The following LANCL3 variants were observed in gnomAD, a reference collection of about 807,000 sequenced individuals.
LANCL3 encodes the protein lanC-like protein 3.
Under a neutral mutation model 26.5 loss-of-function variants are expected in LANCL3, and 19 were observed. That is an observed-to-expected ratio of 0.72 (90% CI 0.50 to 1.05). LANCL3 has a LOEUF of 1.05. Ranked by LOEUF, LANCL3 falls within the 50% of genes least tolerant of loss-of-function variation. The pLI is 0.00. For missense variants in LANCL3, 318 were observed against 362.7 expected, an observed-to-expected ratio of 0.88 and a Z score of 1.00; for synonymous variants, 160 against 166.6, an observed-to-expected ratio of 0.96 and a Z score of 0.30.
At chrX:37,602,941 A>C (rs1454153284) in intron 1 of LANCL3, among the ~76,000 whole-genome samples, 1 of 112,010 alleles carries the variant, frequency 8.9e-6, no homozygotes, top group East Asian at 2.8e-4. Context: ...TAGTCACCGG[A>C]TAAAAAGGAA....
At chrX:37,650,672 T>C (rs5963867) in intron 1 of LANCL3, among the ~76,000 whole-genome samples, 24,391 of 106,345 alleles carry the variant, frequency 0.23, 2,534 homozygotes, top group African/African-American at 0.39. Flanking sequence ...TTTAACTTTC[T>C]CTCTTGGTAT....
chrX:37,666,832 A>G (rs1252843961), intron 3 of LANCL3, among the ~76,000 whole-genome samples: 2 of 112,570 alleles, frequency 1.8e-5, no homozygotes, highest in Non-Finnish European at 3.8e-5. Context: ...GTACTTAAAC[A>G]TTACAAATTT....
chrX:37,637,934 G>T (rs1182018826), intron 1 of LANCL3, among the ~76,000 whole-genome samples: 1 of 110,611 alleles, frequency 9.0e-6, no homozygotes, highest in Non-Finnish European at 1.9e-5. Flanking sequence ...GAATGAGGCT[G>T]AACCTGAATG....
chrX:37,655,577 A>G (rs1926262185), intron 1 of LANCL3, 111 bp from the exon 2 acceptor site: 5 of 550,064 alleles, frequency 9.1e-6, no homozygotes, highest in Non-Finnish European at 1.3e-5. Context: ...TTATTTACAT[A>G]TAGTACAGGA....
At chrX:37,664,537 A>G (rs1556433360) in intron 3 of LANCL3, among the ~76,000 whole-genome samples, 1 of 111,071 alleles carries the variant, frequency 9.0e-6, no homozygotes, top group Non-Finnish European at 1.9e-5. Flanking sequence ...TACATAATAT[A>G]CAATTAACCA....
At chrX:37,667,152 A>G in intron 3 of LANCL3, 130 bp from the exon 4 acceptor site, 1 of 331,786 alleles carries the variant, frequency 3.0e-6, no homozygotes, top group Admixed American at 6.0e-5. Flanking sequence ...GGCCCACATC[A>G]GAACTACAAT....
chrX:37,641,991 A>G (rs1397142899), intron 1 of LANCL3, among the ~76,000 whole-genome samples: 1 of 111,661 alleles, frequency 9.0e-6, no homozygotes, highest in Non-Finnish European at 1.9e-5. Flanking sequence ...GAGGGTGTCC[A>G]TTGCCCCTGA....
intron 1 of LANCL3, among the ~76,000 whole-genome samples, chrX:37,606,492 C>A (rs1287766909): frequency 8.9e-6 from 1 of 112,195 alleles, no homozygotes; most frequent in East Asian, 2.8e-4. Context: ...TTTCTCTACA[C>A]CATGCAGGAA....
intron 1 of LANCL3, among the ~76,000 whole-genome samples, chrX:37,648,355 G>A (rs1556427742): frequency 8.9e-6 from 1 of 111,759 alleles, no homozygotes; most frequent in African/African-American, 3.3e-5. Context: ...ACTTTCATGG[G>A]CATATGCTAC....
At chrX:37,611,566 T>C (rs782208949) in intron 1 of LANCL3, among the ~76,000 whole-genome samples, 1 of 111,868 alleles carries the variant, frequency 8.9e-6, no homozygotes, top group South Asian at 3.8e-4. Flanking sequence ...CCAGTAGTTA[T>C]AGAAAAAGGA....
intron 1 of LANCL3, among the ~76,000 whole-genome samples, chrX:37,630,684 C>T (rs782473497): frequency 2.6e-4 from 29 of 110,038 alleles, no homozygotes; most frequent in African/African-American, 9.3e-4. Context: ...TTGTCAAAGG[C>T]CTTTTCTGCA....
chrX:37,573,258 G>A (rs1252505820), intron 1 of LANCL3, among the ~76,000 whole-genome samples: 2 of 111,954 alleles, frequency 1.8e-5, no homozygotes, highest in Admixed American at 9.4e-5. Context: ...TTCCTGTGGA[G>A]TAGGAAAAAG....
At chrX:37,591,663 C>T (rs149702054) in intron 1 of LANCL3, among the ~76,000 whole-genome samples, 2,127 of 106,485 alleles carry the variant, frequency 0.02, 41 homozygotes, top group East Asian at 0.064. Flanking sequence ...TAGGGAAGCT[C>T]TAGAGTGTAT....
chrX:37,666,008 A>T (rs1926537386), intron 3 of LANCL3, among the ~76,000 whole-genome samples: 1 of 112,614 alleles, frequency 8.9e-6, no homozygotes, highest in Non-Finnish European at 1.9e-5. Flanking sequence ...AGAATGCTGT[A>T]GGTAAACATT....
Position 37,572,008 on chromosome X carries a change from G to A in LANCL3, c.138G>A (p.Gly46=), listed in dbSNP as rs1569459828. ...TCCTCCAGGAGCTTCCCCCACTCGG[G>A]GGCGGCGCGGAGGCCCGAGGGGCGA... is the stretch of plus-strand genomic sequence containing the variant. The part of the protein sequence containing the change: ...ERILQELPPL[G]GGAEARGATA... The change falls in exon 1 of 5, where the codon GGG becomes GGA. Residue 46 remains glycine, a synonymous_variant. Coordinates refer to ENST00000378619, the MANE Select transcript of LANCL3 (RefSeq NM_001170331.2). The A allele has an allele frequency of 1.2e-5, 14 of 1,188,191 alleles. No homozygotes were observed. The highest frequency in any genetic ancestry group is 1.7e-5 in the African/African-American group (1 of 57,518).
chrX:37,635,426 A>G (rs1407962279), intron 1 of LANCL3, among the ~76,000 whole-genome samples: 1 of 111,915 alleles, frequency 8.9e-6, no homozygotes, highest in African/African-American at 3.2e-5. Flanking sequence ...ACAAATATCT[A>G]AACATTTCCC....
rs1248366389 is a variant in LANCL3 at position 37,679,225 on chromosome X, A to G, written c.*3412A>G. 2.7e-5 allele frequency: 3 copies of G among 112,263 alleles called. No homozygotes were observed. In the East Asian group the frequency reaches 8.3e-4, roughly 31 times the overall value. 9.3% of individuals were successfully genotyped at this position (112,263 alleles called of 1,213,427 possible). ...GGATGTTATATTTTACCCACTATATACATAGAAAAATCATGCCCAGTTATG... is the reference window on the plus strand; with the variant it reads ...GGATGTTATATTTTACCCACTATATGCATAGAAAAATCATGCCCAGTTATG... On this transcript the variant is annotated 3_prime_UTR_variant, in exon 5 of 5. Coordinates refer to ENST00000378619, the MANE Select transcript of LANCL3 (RefSeq NM_001170331.2).
intron 1 of LANCL3, among the ~76,000 whole-genome samples, chrX:37,628,201 C>G (rs1556423398): frequency 9.0e-6 from 1 of 111,547 alleles, no homozygotes; most frequent in African/African-American, 3.3e-5. Flanking sequence ...TCATGTCTCT[C>G]TAAATATGAT....
At chrX:37,609,027 A>G (rs188901330) in intron 1 of LANCL3, among the ~76,000 whole-genome samples, 1 of 112,470 alleles carries the variant, frequency 8.9e-6, no homozygotes, top group African/African-American at 3.2e-5. Flanking sequence ...GTCTAAGCAC[A>G]TATTTTCATT....
Sources: gnomAD v4.1 joint callset for allele counts (sites outside exome capture counted in the v4.1 genomes callset) on GRCh38, gnomAD v4.1.1 for gene constraint, MANE v1.5 for transcripts, NCBI Gene and HGNC (gene_info 2026-07-23, HGNC 2026-07-21) for gene names.